The following MSL2 variants were observed in gnomAD, a reference collection of about 807,000 sequenced individuals.
MSL2 encodes E3 ubiquitin-protein ligase MSL2.
In MSL2, 2 loss-of-function variants were observed where a neutral mutation model predicts 35.8. The observed-to-expected ratio is 0.06, with a 90% confidence interval of 0.02 to 0.18. The LOEUF (loss-of-function observed/expected upper bound fraction) is 0.18, where lower values mean the gene tolerates loss of function less well. Among genes scored for constraint, MSL2 ranks in the 10% least tolerant of loss-of-function variants. MSL2 has a pLI of 1.00. For missense variants in MSL2, 523 were observed against 706.7 expected (o/e 0.74, Z 2.95); for synonymous variants, 296 against 255.7 (o/e 1.16, Z -1.50).
chr3:136,186,428 C>A (rs979845470), intron 1 of MSL2, among the ~76,000 whole-genome samples: 17 of 152,188 alleles, frequency 1.1e-4, no homozygotes, highest in African/African-American at 4.1e-4. Flanking sequence ...AGGCTCCGGT[C>A]CTTGGCCTGT....
chr3:136,153,124 C>T (rs1305800523), intron 1 of MSL2: 1 of 898,832 alleles, frequency 1.1e-6, no homozygotes. Context: ...CCTGTAATCC[C>T]AGCTATTCAG....
chr3:136,177,268 T>C (rs1001998125), intron 1 of MSL2, among the ~76,000 whole-genome samples: 2 of 152,226 alleles, frequency 1.3e-5, no homozygotes, highest in African/African-American at 4.8e-5. Flanking sequence ...CAAAGACCTG[T>C]CAACTATTTC....
intron 1 of MSL2, among the ~76,000 whole-genome samples, chr3:136,174,789 C>T (rs920482043): frequency 6.6e-6 from 1 of 152,056 alleles, no homozygotes; most frequent in Non-Finnish European, 1.5e-5. Context: ...AAACAAAGAT[C>T]GGCCTATATA....
rs1303438912 is a variant in MSL2, at chr3:136,149,345, A to T, written c.*1802T>A. 1 of 152,566 alleles carries T rather than the reference A, an allele frequency of 6.6e-6. No homozygotes were observed. Among genetic ancestry groups the T allele is most frequent in the Non-Finnish European group, 1.5e-5 (1 of 68,028 alleles). 9.5% of individuals were successfully genotyped at this position (152,566 alleles called of 1,614,324 possible). The stretch of plus-strand genomic sequence containing the variant: ...CTGGGTTCAACACAAAACTGTTACA[A>T]ACGTTAGGTAAATACACGTTTCATA... On this transcript the variant is annotated 3_prime_UTR_variant, in exon 2 of 2. Coordinates refer to ENST00000309993, the MANE Select transcript of MSL2 (RefSeq NM_018133.4).
At chr3:136,191,716 T>C (rs1940696018) in intron 1 of MSL2, among the ~76,000 whole-genome samples, 1 of 152,132 alleles carries the variant, frequency 6.6e-6, no homozygotes, top group African/African-American at 2.4e-5. Flanking sequence ...AAGGCTGCAG[T>C]GAGCTAGGAT....
At chr3:136,190,307 T>C (rs1002756396) in intron 1 of MSL2, among the ~76,000 whole-genome samples, 5 of 152,180 alleles carry the variant, frequency 3.3e-5, no homozygotes, top group African/African-American at 1.2e-4. Context: ...GGCTCACACC[T>C]GTAATCCCAG....
chr3:136,195,812 C>T lies in MSL2; in HGVS notation c.-699G>A. ...CCGAGGTGGCGAGGCGGGCGGGAGT[C>T]CTCAACCCGGAGGGGAAGGCCGGGG... On this transcript the variant is annotated 5_prime_UTR_variant, in exon 1 of 2. Transcript: ENST00000309993. The T allele has an allele frequency of 1.0e-6, 1 of 984,890 alleles. No individual in the cohort carries two copies. The highest frequency in any genetic ancestry group is 1.2e-6 in the Non-Finnish European group (1 of 829,774). The allele number at this position is 984,890 out of a possible 1,614,324, so 61.0% of individuals were successfully genotyped here.
intron 1 of MSL2, among the ~76,000 whole-genome samples, chr3:136,177,028 GTC>G (rs1940198803): frequency 6.6e-6 from 1 of 152,160 alleles, no homozygotes; most frequent in Admixed American, 6.6e-5. Context: ...CCTAGCCCAA[GTC>G]TGTTTTTCTT....
chr3:136,167,342 A>G (rs79772948), intron 1 of MSL2, among the ~76,000 whole-genome samples: 1 of 111,224 alleles, frequency 9.0e-6, no homozygotes, highest in Non-Finnish European at 1.7e-5. Context: ...TGTTCTATAG[A>G]AAAAAAAAAA....
At chr3:136,186,086 T>C (rs1319842466) in intron 1 of MSL2, among the ~76,000 whole-genome samples, 1 of 152,214 alleles carries the variant, frequency 6.6e-6, no homozygotes, top group Non-Finnish European at 1.5e-5. Flanking sequence ...TATCCTTACA[T>C]TACTTCAAAC....
intron 1 of MSL2, among the ~76,000 whole-genome samples, chr3:136,193,167 C>T (rs546625823): frequency 5.1e-4 from 77 of 152,174 alleles, no homozygotes; most frequent in African/African-American, 1.8e-3. Context: ...TTTTTTTTAT[C>T]TTTAATTCCA....
In MSL2 at chr3:136,149,466, C is replaced by CG. The variant is rs1939277575; in HGVS notation, c.*1680_*1681insC. 1 of 152,422 alleles carries CG rather than the reference C, an allele frequency of 6.6e-6. No homozygotes were observed. Among genetic ancestry groups the CG allele is most frequent in the African/African-American group, 2.4e-5 (1 of 41,410 alleles). The allele number at this position is 152,422 out of a possible 1,614,324, so 9.4% of individuals were successfully genotyped here. On this transcript the variant is annotated 3_prime_UTR_variant, in exon 2 of 2. Transcript: ENST00000309993. ...TAAGAAGCATTTTCCACCATTTACT[C>CG]TTGTTATCAAAAATAGTTCAACTCT...
At chr3:136,169,022 C>G (rs1559963743) in intron 1 of MSL2, among the ~76,000 whole-genome samples, 2 of 151,980 alleles carry the variant, frequency 1.3e-5, no homozygotes, top group African/African-American at 4.8e-5. Flanking sequence ...CTGTGAGGCT[C>G]TTGATCAAAA....
Position 136,151,899 on chromosome 3 carries a change from A to T in MSL2, c.982T>A (p.Cys328Ser), listed in dbSNP as rs747992638. The T allele has an allele frequency of 1.2e-6, 2 of 1,614,192 alleles. No homozygotes were observed. Among genetic ancestry groups the T allele is most frequent in the Admixed American group, 3.3e-5 (2 of 60,020 alleles). The change falls in exon 2 of 2, where the codon TGT becomes AGT. Residue 328 changes from cysteine (C) to serine (S), a missense_variant. This residue lies in a region of MSL2 where 361 missense variants were observed against 414.6 expected (regional missense o/e 0.87). Coordinates refer to ENST00000309993, the MANE Select transcript of MSL2 (RefSeq NM_018133.4). The surrounding 1 kb of genome is among the most constrained non-coding windows in gnomAD (Gnocchi z 5.2). ...STSPALHGLS[C>S]TAATPKIAKL... is the part of the protein sequence containing the mutation. Reference sequence around the variant, plus strand: ...GCTATCTTCGGAGTTGCTGCTGTACATGATAACCCATGAAGTGCAGGACTG... The same window carrying T: ...GCTATCTTCGGAGTTGCTGCTGTACTTGATAACCCATGAAGTGCAGGACTG...
At position 136,184,295 on chromosome 3, in the gene MSL2, G is replaced by GA. The variant is rs570023293; in HGVS notation, c.142+10676dup. On this transcript the variant is annotated intron_variant, in intron 1 of 1. Coordinates refer to ENST00000309993, the MANE Select transcript of MSL2 (RefSeq NM_018133.4). ...TGAACGACAGAGTGAGACTCCGTCTGAAAAAAAGAATTCTATGGTTCTGGG... is the reference window on the plus strand; with the variant it reads ...TGAACGACAGAGTGAGACTCCGTCTGAAAAAAAAGAATTCTATGGTTCTGGG... Among the ~76,000 whole-genome samples, 379 of 150,018 alleles carry GA rather than the reference G, an allele frequency of 2.5e-3. 3 individuals carry two copies. Among genetic ancestry groups the GA allele is most frequent in the African/African-American group, 6.8e-3 (278 of 40,786 alleles).
chr3:136,174,224 G>A (rs551853797), intron 1 of MSL2, among the ~76,000 whole-genome samples: 1 of 152,260 alleles, frequency 6.6e-6, no homozygotes, highest in Non-Finnish European at 1.5e-5. Flanking sequence ...ATCATAAAAA[G>A]AACATTAAAT....
chr3:136,169,042 G>A (rs927250735), intron 1 of MSL2, among the ~76,000 whole-genome samples: 1 of 152,032 alleles, frequency 6.6e-6, no homozygotes, highest in African/African-American at 2.4e-5. Flanking sequence ...AGACAGGATG[G>A]TAACTTAAGC....
intron 1 of MSL2, among the ~76,000 whole-genome samples, chr3:136,190,455 C>T (rs1415588915): frequency 1.3e-5 from 2 of 151,234 alleles, no homozygotes; most frequent in Non-Finnish European, 2.9e-5. Flanking sequence ...ACTCTAGAGG[C>T]TAATGCCAGA....
At chr3:136,166,729 T>C (rs1559962754) in intron 1 of MSL2, among the ~76,000 whole-genome samples, 1 of 152,186 alleles carries the variant, frequency 6.6e-6, no homozygotes, top group Non-Finnish European at 1.5e-5. Flanking sequence ...AAGTCTCAAA[T>C]TGCTTGCCCG....
Sources: allele counts gnomAD v4.1 joint callset (sites outside exome capture counted in the v4.1 genomes callset), GRCh38; gene constraint gnomAD v4.1.1; regional missense constraint gnomAD v4.1.1; non-coding constraint Gnocchi (gnomAD v3.1); transcripts MANE v1.5; gene names NCBI Gene and HGNC (gene_info 2026-07-23, HGNC 2026-07-21).